Variants in DHRS1 observed in about 807,000 individuals in gnomAD.
The protein encoded by DHRS1 is dehydrogenase/reductase SDR family member 1.
DHRS1 carries 34 observed loss-of-function variants against 35.2 expected under a neutral mutation model. The ratio of observed to expected loss-of-function variants is 0.97; its 90% confidence interval spans 0.74 to 1.29. The LOEUF (loss-of-function observed/expected upper bound fraction) is 1.29, where lower values mean the gene tolerates loss of function less well. Among genes scored for constraint, DHRS1 ranks in the 50% most tolerant of loss-of-function variants. The pLI, the probability that DHRS1 is intolerant of heterozygous loss-of-function variation, is 0.00. For missense variants in DHRS1, 354 were observed against 403.6 expected (o/e 0.88, Z 1.05); for synonymous variants, 133 against 160.0 (o/e 0.83, Z 1.27).
intron 4 of DHRS1, among the ~76,000 whole-genome samples, chr14:24,295,071 A>C (rs1337215968): frequency 6.6e-6 from 1 of 152,148 alleles, no homozygotes; most frequent in Non-Finnish European, 1.5e-5. Flanking sequence ...CTATAACCTA[A>C]GGGAAGTACA....
chr14:24,299,170 C>T, intron 1 of DHRS1, 40 bp from the exon 2 acceptor site: 1 of 1,551,546 alleles, frequency 6.4e-7, no homozygotes. Context: ...AGCCTGGAGA[C>T]TGTGTGTGTG....
At position 24,299,672 on chromosome 14, in the gene DHRS1, A is replaced by C; in HGVS notation, c.-116T>G. The C allele has an allele frequency of 2.6e-6, 1 of 379,638 alleles. No homozygotes were observed. The highest frequency in any genetic ancestry group is 2.1e-5 in the African/African-American group (1 of 48,314). 23.5% of individuals were successfully genotyped at this position (379,638 alleles called of 1,614,324 possible). ...CAGATTGAGCCGGCGACGTGGAGGC[A>C]GTGTTCAAGGATTGATTCTGTAGTA... On this transcript the variant is annotated 5_prime_UTR_variant, in exon 1 of 9. Coordinates refer to ENST00000288111, the MANE Select transcript of DHRS1 (RefSeq NM_001136050.3).
Position 24,292,666 on chromosome 14 carries a change from C to T in DHRS1, c.493G>A (p.Val165Met). Residue 165 changes from valine (V) to methionine (M), a missense_variant, in exon 5 of 9, where the codon GTG (valine) becomes ATG (methionine). Coordinates refer to ENST00000288111, the MANE Select transcript of DHRS1 (RefSeq NM_001136050.3). The stretch of plus-strand genomic sequence containing the variant: ...TGGGTCCTCACCGCAGCTTTGCCCA[C>T]ACCATAGGGGACATTGAACATATAC... ...LQYMFNVPYG[V>M]GKAACDKLAA... 6.2e-7 allele frequency: 1 copy of T among 1,614,250 alleles called. No homozygotes were observed. The highest frequency in any genetic ancestry group is 8.5e-7 in the Non-Finnish European group (1 of 1,180,050).
chr14:24,297,332 C>G (rs1484531374), intron 2 of DHRS1, among the ~76,000 whole-genome samples: 27 of 152,198 alleles, frequency 1.8e-4, no homozygotes, highest in Admixed American at 1.8e-3. Flanking sequence ...CACCAATGCT[C>G]CTGGTTGGTA....
chr14:24,293,956 G>A (rs986568523), intron 4 of DHRS1: 6 of 152,182 alleles, frequency 3.9e-5, no homozygotes, highest in African/African-American at 4.8e-5. Flanking sequence ...ATGTGAGAAC[G>A]CAATGTATTA....
chr14:24,295,506 CAG>C lies in DHRS1; in HGVS notation c.374+1001_374+1002del, dbSNP rs1427028400. On this transcript the variant is annotated intron_variant, in intron 4 of 8. Transcript: ENST00000288111. ...TGGGCAGGAGGTGCTGGGGGGCTGTCAGGGGCTCATCAAGGGGCCTTTACCTT... is the reference window on the plus strand; with the variant it reads ...TGGGCAGGAGGTGCTGGGGGGCTGTCGGGCTCATCAAGGGGCCTTTACCTT... Among the ~76,000 whole-genome samples, 6 of 152,258 alleles carry C rather than the reference CAG, an allele frequency of 3.9e-5. No homozygotes were observed. In the East Asian group the frequency reaches 9.6e-4, roughly 24 times the overall value.
rs1211577405 is a variant in DHRS1 at position 24,290,831 on chromosome 14, G to C, written c.*28C>G. On this transcript the variant is annotated 3_prime_UTR_variant, in exon 9 of 9. Transcript: ENST00000288111. ...CCACCAAGTCCAAATGAGAAGACAAGCAGAGACGTAGTGTCAGACCAGGAG... is the reference window on the plus strand; with the variant it reads ...CCACCAAGTCCAAATGAGAAGACAACCAGAGACGTAGTGTCAGACCAGGAG... 6.2e-7 allele frequency: 1 copy of C among 1,612,972 alleles called. No homozygotes were observed. Among genetic ancestry groups the C allele is most frequent in the Non-Finnish European group, 8.5e-7 (1 of 1,179,474 alleles).
rs754107324 is a variant in DHRS1 at position 24,291,634 on chromosome 14, CAG to C, written c.655-11_655-10del. On this transcript the variant is annotated splice_polypyrimidine_tract_variant and intron_variant, in intron 6 of 8. Coordinates refer to ENST00000288111, the MANE Select transcript of DHRS1 (RefSeq NM_001136050.3). ...GAGAAGGCTGATTTGAACTGAAACA[CAG>C]GGGCAGAGAAGTGAAGGGTTAATTT... is the stretch of plus-strand genomic sequence containing the variant. 3.3e-5 allele frequency: 53 copies of C among 1,613,890 alleles called. No homozygotes were observed. The East Asian group carries it at 5.3e-4, about 16-fold the overall frequency.
intron 2 of DHRS1, 28 bp downstream of exon 2, chr14:24,298,929 C>CA: frequency 6.3e-7 from 1 of 1,583,990 alleles, no homozygotes; most frequent in South Asian, 1.1e-5. Flanking sequence ...GTGGTTTCTG[C>CA]AACTGTGGTC....
intron 4 of DHRS1, 155 bp from the exon 5 acceptor site, chr14:24,292,939 C>T: frequency 1.1e-6 from 1 of 876,434 alleles, no homozygotes; most frequent in South Asian, 2.2e-5. Flanking sequence ...GGGCTTGAGG[C>T]CATATTCTGA....
rs374420320 is a variant in DHRS1 at position 24,292,678 on chromosome 14, C to T, written c.481G>A (p.Val161Ile). The change falls in exon 5 of 9, where the codon GTC becomes ATC. Residue 161 changes from valine to isoleucine, a missense_variant. Coordinates refer to ENST00000288111, the MANE Select transcript of DHRS1 (RefSeq NM_001136050.3). ...GCAGCTTTGCCCACACCATAGGGGACATTGAACATATACTGCAGGCTTCCT... is the reference window on the plus strand; with the variant it reads ...GCAGCTTTGCCCACACCATAGGGGATATTGAACATATACTGCAGGCTTCCT... Reference protein sequence around the residue: ...SPGSLQYMFNVPYGVGKAACD... With the variant: ...SPGSLQYMFNIPYGVGKAACD... 8.7e-6 allele frequency: 14 copies of T among 1,614,214 alleles called. No homozygotes were observed. Among genetic ancestry groups the T allele is most frequent in the Non-Finnish European group, 1.2e-5 (14 of 1,180,030 alleles).
chr14:24,292,927 A>AAAT, intron 4 of DHRS1, 143 bp from the exon 5 acceptor site: 1 of 985,634 alleles, frequency 1.0e-6, no homozygotes, highest in Non-Finnish European at 1.4e-6. Context: ...CTGAGGAATT[A>AAAT]GGGGCTTGAG....
chr14:24,290,900 C>A lies in DHRS1; in HGVS notation c.901G>T (p.Val301Leu), dbSNP rs753986930. The change falls in exon 9 of 9, where the codon GTG (valine) becomes TTG (leucine). Residue 301 changes from valine (V) to leucine (L), a missense_variant. Transcript: ENST00000288111. Reference sequence around the variant, plus strand: ...TAGAGGGCAATAATCCACTTGGGCACACGGAGGAAGGAGGGCAGGTAGGAG... The same window carrying A: ...TAGAGGGCAATAATCCACTTGGGCAAACGGAGGAAGGAGGGCAGGTAGGAG... ...LASYLPSFLR[V>L]PKWIIALYTS... 2 of 1,613,858 alleles carry A rather than the reference C, an allele frequency of 1.2e-6. No homozygotes were observed. The highest frequency in any genetic ancestry group is 2.2e-5 in the South Asian group (2 of 91,064).
chr14:24,290,821 G>T lies in DHRS1; in HGVS notation c.*38C>A. On this transcript the variant is annotated 3_prime_UTR_variant, in exon 9 of 9. Coordinates refer to ENST00000288111, the MANE Select transcript of DHRS1 (RefSeq NM_001136050.3). ...ACAGGACGAACCACCAAGTCCAAAT[G>T]AGAAGACAAGCAGAGACGTAGTGTC... is the stretch of plus-strand genomic sequence containing the variant. The T allele has an allele frequency of 1.2e-6, 2 of 1,612,088 alleles. No homozygotes were observed. Among genetic ancestry groups the T allele is most frequent in the South Asian group, 2.2e-5 (2 of 90,958 alleles).
intron 5 of DHRS1, 113 bp from the exon 6 acceptor site, chr14:24,292,443 C>T (rs1188589409): frequency 1.3e-6 from 2 of 1,519,802 alleles, no homozygotes; most frequent in Non-Finnish European, 8.9e-7. Flanking sequence ...CCAGGAGCCC[C>T]AAGGTCTCAG....
At chr14:24,296,699 G>A in intron 3 of DHRS1, 39 bp downstream of exon 3, 2 of 1,614,102 alleles carry the variant, frequency 1.2e-6, no homozygotes, top group Non-Finnish European at 8.5e-7. Context: ...TGAGGGGGAG[G>A]TCAGAAATGT....
chr14:24,292,838 TGC>T, intron 4 of DHRS1, 54 bp from the exon 5 acceptor site: 1 of 1,563,908 alleles, frequency 6.4e-7, no homozygotes, highest in Non-Finnish European at 8.6e-7. Context: ...CTGGCCTGGG[TGC>T]CACAGCCTCT....
chr14:24,291,418 G>T, intron 7 of DHRS1, 138 bp downstream of exon 7: 2 of 1,108,172 alleles, frequency 1.8e-6, no homozygotes, highest in Non-Finnish European at 1.4e-6. Flanking sequence ...TGGGAATGCT[G>T]ACCCCTTGGG....
Position 24,299,108 on chromosome 14 carries a change from ACT to A in DHRS1, c.-4_-3del, listed in dbSNP as rs908318108. ...TTGGCCATTCATGGGAGCTGCCATG[ACT>A]CACAGGCAAAGGAGGCAGGTCTGTG... On this transcript the variant is annotated 5_prime_UTR_variant, in exon 2 of 9. Coordinates refer to ENST00000288111, the MANE Select transcript of DHRS1 (RefSeq NM_001136050.3). 10 of 1,610,784 alleles carry A rather than the reference ACT, an allele frequency of 6.2e-6. No individual in the cohort carries two copies. In the African/African-American group the frequency reaches 1.3e-4, roughly 22 times the overall value.
Sources: gnomAD v4.1 joint callset for allele counts (sites outside exome capture counted in the v4.1 genomes callset) on GRCh38, gnomAD v4.1.1 for gene constraint, MANE v1.5 for transcripts, NCBI Gene and HGNC (gene_info 2026-07-23, HGNC 2026-07-21) for gene names.